COL22A1: variants seen among roughly 807,000 people sequenced by gnomAD.
COL22A1 encodes collagen alpha-1(XXII) chain.
A neutral mutation model predicts 248.9 loss-of-function variants in COL22A1; 221 were observed. The observed-to-expected ratio is 0.89, with a 90% confidence interval of 0.80 to 0.99. The LOEUF (loss-of-function observed/expected upper bound fraction) is 0.99. Among genes scored for constraint, COL22A1 ranks in the 50% least tolerant of loss-of-function variants. The pLI, the probability that COL22A1 is intolerant of heterozygous loss-of-function variation, is 0.00. For missense variants in COL22A1, 2,240 were observed against 2,179.0 expected (o/e 1.03, Z -0.56); for synonymous variants, 891 against 793.4 (o/e 1.12, Z -2.07).
intron 24 of COL22A1, among the ~76,000 whole-genome samples, chr8:138,725,167 A>G (rs1364835439): frequency 6.6e-6 from 1 of 152,230 alleles, no homozygotes; most frequent in Non-Finnish European, 1.5e-5. Context: ...GCAGCCACCA[A>G]AGTGCCACAT....
At chr8:138,685,120 A>G (rs565970149) in intron 38 of COL22A1, 88 bp downstream of exon 38, 1 of 946,474 alleles carries the variant, frequency 1.1e-6, no homozygotes, top group African/African-American at 1.6e-5. Context: ...CAATTTCTGC[A>G]AAGTTTGGCA....
Position 138,769,557 on chromosome 8 carries a change from C to T in COL22A1, c.1803+6409G>A, listed in dbSNP as rs566703469. ...TGCCTTGTCCTCCCGGTGGGGACTCCACCACCACCCTGTTCTAGGAGCAGC... is the reference window on the plus strand; with the variant it reads ...TGCCTTGTCCTCCCGGTGGGGACTCTACCACCACCCTGTTCTAGGAGCAGC... On this transcript the variant is annotated intron_variant, in intron 16 of 64. Coordinates refer to ENST00000303045, the MANE Select transcript of COL22A1 (RefSeq NM_152888.3). 2.0e-5 allele frequency among the ~76,000 whole-genome samples: 3 copies of T among 152,214 alleles called. No individual in the cohort carries two copies. In the South Asian group the frequency reaches 6.2e-4, roughly 32 times the overall value.
At chr8:138,722,399 C>T (rs895397161) in intron 25 of COL22A1, among the ~76,000 whole-genome samples, 2 of 152,168 alleles carry the variant, frequency 1.3e-5, no homozygotes, top group South Asian at 4.1e-4. Flanking sequence ...TATTTCTACC[C>T]TCAGCTTCCA....
At chr8:138,759,370 G>A (rs1030520807) in intron 18 of COL22A1, among the ~76,000 whole-genome samples, 2 of 152,174 alleles carry the variant, frequency 1.3e-5, no homozygotes, top group African/African-American at 4.8e-5. Flanking sequence ...ATGCTGATCG[G>A]GTCTCAGCCG....
rs370714662 is a variant in COL22A1 at position 138,724,697 on chromosome 8, G to T, written c.2194-29C>A. Reference sequence around the variant, plus strand: ...AAAGGGGACCACATGGACCCTGTTAGCCTGGCCTGTTCAGAGATCAGATCA... The same window carrying T: ...AAAGGGGACCACATGGACCCTGTTATCCTGGCCTGTTCAGAGATCAGATCA... On this transcript the variant is annotated intron_variant, in intron 24 of 64. Coordinates refer to ENST00000303045, the MANE Select transcript of COL22A1 (RefSeq NM_152888.3). The T allele has an allele frequency of 2.0e-5, 32 of 1,606,668 alleles. No homozygotes were observed. In the African/African-American group the frequency reaches 4.1e-4, roughly 21 times the overall value.
intron 14 of COL22A1, among the ~76,000 whole-genome samples, 195 bp from the exon 15 acceptor site, chr8:138,778,601 T>C (rs1814689002): frequency 6.6e-6 from 1 of 152,160 alleles, no homozygotes; most frequent in South Asian, 2.1e-4. Flanking sequence ...TATTTAGAAG[T>C]CATGCCATCT....
intron 3 of COL22A1, 26 bp downstream of exon 3, chr8:138,877,724 G>C: frequency 6.5e-7 from 1 of 1,546,034 alleles, no homozygotes; most frequent in South Asian, 1.3e-5. Context: ...CTTGGGAGGG[G>C]CCGCATGGGG....
intron 12 of COL22A1, among the ~76,000 whole-genome samples, chr8:138,784,848 T>A (rs1386148646): frequency 6.6e-6 from 1 of 152,088 alleles, no homozygotes; most frequent in Non-Finnish European, 1.5e-5. Context: ...GCTGATTAGA[T>A]TAGATTTAAT....
intron 22 of COL22A1, among the ~76,000 whole-genome samples, chr8:138,739,525 T>C (rs2131269238): frequency 6.6e-6 from 1 of 152,336 alleles, no homozygotes; most frequent in Non-Finnish European, 1.5e-5. Context: ...AGATGCACCA[T>C]TGGCGTTTGT....
chr8:138,651,000 A>G lies in COL22A1; in HGVS notation c.3334-1222T>C, dbSNP rs905097266. Reference sequence around the variant, plus strand: ...AAAATACGCGGAAGCTGCACTGTTCATAGTCCATGAGGTGAAGCTGCAGGT... The same window carrying G: ...AAAATACGCGGAAGCTGCACTGTTCGTAGTCCATGAGGTGAAGCTGCAGGT... On this transcript the variant is annotated intron_variant, in intron 45 of 64. Coordinates refer to ENST00000303045, the MANE Select transcript of COL22A1 (RefSeq NM_152888.3). Among the ~76,000 whole-genome samples the G allele has an allele frequency of 3.3e-5, 5 of 152,210 alleles. No homozygotes were observed. In the East Asian group the frequency reaches 9.6e-4, roughly 29 times the overall value.
intron 1 of COL22A1, among the ~76,000 whole-genome samples, chr8:138,885,511 G>A (rs1049899912): frequency 2.6e-5 from 4 of 152,222 alleles, no homozygotes; most frequent in East Asian, 1.9e-4. Context: ...CTAGAGATAC[G>A]CCCCTGCCTC....
intron 23 of COL22A1, among the ~76,000 whole-genome samples, chr8:138,726,542 A>G (rs1830331773): frequency 6.6e-6 from 1 of 151,332 alleles, no homozygotes; most frequent in Non-Finnish European, 1.5e-5. Context: ...TGGCCCAACT[A>G]AACCTATGAG....
At chr8:138,700,935 A>AG (rs1276778730) in intron 31 of COL22A1, among the ~76,000 whole-genome samples, 1 of 147,372 alleles carries the variant, frequency 6.8e-6, no homozygotes, top group African/African-American at 2.5e-5. Flanking sequence ...CAGTGAGCCC[A>AG]GATCACGCCA....
At chr8:138,622,071 A>G (rs1819854651) in intron 52 of COL22A1, among the ~76,000 whole-genome samples, 1 of 152,250 alleles carries the variant, frequency 6.6e-6, no homozygotes, top group Non-Finnish European at 1.5e-5. Context: ...GAGTCATAAT[A>G]GTTTATGACC....
intron 35 of COL22A1, among the ~76,000 whole-genome samples, chr8:138,692,187 C>A (rs1407541599): frequency 1.4e-4 from 1 of 7,352 alleles, no homozygotes; most frequent in Non-Finnish European, 3.1e-4. Context: ...TATGTGTGCA[C>A]GTGCATGTGT....
chr8:138,644,122 A>C (rs190182760), intron 47 of COL22A1, among the ~76,000 whole-genome samples: 5 of 152,164 alleles, frequency 3.3e-5, no homozygotes, highest in Admixed American at 3.3e-4. Context: ...ATCTAAAATA[A>C]CTCAAGATGA....
chr8:138,602,284 G>A (rs373473912), intron 59 of COL22A1, 125 bp from the exon 60 acceptor site: 16 of 1,039,722 alleles, frequency 1.5e-5, no homozygotes, highest in East Asian at 5.1e-5. Flanking sequence ...AAGGTCCCCC[G>A]AGGGCTCCTT....
chr8:138,678,079 T>C (rs1206117290), intron 40 of COL22A1, among the ~76,000 whole-genome samples: 2 of 152,212 alleles, frequency 1.3e-5, no homozygotes, highest in Non-Finnish European at 2.9e-5. Context: ...GCCTTTCCTA[T>C]AGTACAACCG....
intron 13 of COL22A1, among the ~76,000 whole-genome samples, chr8:138,780,259 T>G (rs1814843562): frequency 6.6e-6 from 1 of 152,150 alleles, no homozygotes; most frequent in African/African-American, 2.4e-5. Flanking sequence ...GTCTCCAGGA[T>G]CTTAGACCAC....
Sources: gnomAD v4.1 joint callset for allele counts (sites outside exome capture counted in the v4.1 genomes callset) on GRCh38, gnomAD v4.1.1 for gene constraint, MANE v1.5 for transcripts, NCBI Gene and HGNC (gene_info 2026-07-23, HGNC 2026-07-21) for gene names.